TTL: variants seen among roughly 807,000 people sequenced by gnomAD.
The protein encoded by TTL is tubulin tyrosine ligase.
A neutral mutation model predicts 41.1 loss-of-function variants in TTL; 10 were observed. The observed-to-expected ratio is 0.24, with a 90% CI of 0.15 to 0.41. The LOEUF is 0.41. Among genes scored for constraint, TTL ranks in the 10% least tolerant of loss-of-function variants. The pLI, the probability that TTL is intolerant of heterozygous loss-of-function variation, is 1.00. For missense variants in TTL, 367 were observed against 460.4 expected, an observed-to-expected ratio of 0.80 and a Z score of 1.86; for synonymous variants, 175 against 175.5, an observed-to-expected ratio of 1.00 and a Z score of 0.02.
chr2:112,519,596 G>T (rs1198250307), intron 5 of TTL, among the ~76,000 whole-genome samples: 1 of 148,550 alleles, frequency 6.7e-6, no homozygotes. Flanking sequence ...TCACCAAAGG[G>T]CAGTCCATTC....
chr2:112,499,492 C>T (rs1285834736), intron 3 of TTL, among the ~76,000 whole-genome samples: 1 of 152,142 alleles, frequency 6.6e-6, no homozygotes, highest in Admixed American at 6.6e-5. Context: ...ATAAGCTTCA[C>T]ACCTCATACA....
At chr2:112,490,599 G>A (rs1200486377) in intron 2 of TTL, among the ~76,000 whole-genome samples, 2 of 117,220 alleles carry the variant, frequency 1.7e-5, no homozygotes, top group African/African-American at 6.7e-5. Flanking sequence ...TTGAGATGGA[G>A]TTTTACTCTG....
In TTL at chr2:112,502,801, C is replaced by T. The variant is rs940266291; in HGVS notation, c.606-111C>T. ...AGAAACTTCCTCCTTCCCTAGTTGCCTCCCACTCCTTACCTACCCCATAAA... is the reference window on the plus strand; with the variant it reads ...AGAAACTTCCTCCTTCCCTAGTTGCTTCCCACTCCTTACCTACCCCATAAA... On this transcript the variant is annotated intron_variant, in intron 4 of 6. Transcript: ENST00000233336. 6.6e-6 allele frequency: 8 copies of T among 1,215,532 alleles called. No individual in the cohort carries two copies. In the African/African-American group the frequency reaches 7.5e-5, roughly 11 times the overall value. The allele number at this position is 1,215,532 out of a possible 1,614,324, so 75.3% of individuals were successfully genotyped here. A position where few individuals can be genotyped will look rare whatever the true frequency, so the allele number is the denominator to read the frequency against.
At chr2:112,518,833 C>T (rs1682146379) in intron 5 of TTL, among the ~76,000 whole-genome samples, 1 of 152,040 alleles carries the variant, frequency 6.6e-6, no homozygotes, top group Non-Finnish European at 1.5e-5. Context: ...TGCCACTATG[C>T]CTGGCTAATT....
intron 6 of TTL, among the ~76,000 whole-genome samples, chr2:112,525,032 A>G (rs1461514492): frequency 6.6e-6 from 1 of 152,178 alleles, no homozygotes; most frequent in Non-Finnish European, 1.5e-5. Flanking sequence ...TCCCAGCACC[A>G]TTTATTAAAT....
intron 1 of TTL, among the ~76,000 whole-genome samples, 161 bp from the exon 2 acceptor site, chr2:112,485,756 G>C (rs1163503474): frequency 6.6e-6 from 1 of 152,202 alleles, no homozygotes; most frequent in Non-Finnish European, 1.5e-5. Context: ...AATACTGAGA[G>C]AAAGAGGGTC....
chr2:112,517,293 G>A (rs1023197006), intron 5 of TTL, among the ~76,000 whole-genome samples: 1 of 151,990 alleles, frequency 6.6e-6, no homozygotes. Flanking sequence ...TGTCACCCAG[G>A]CTGAAGTGCA....
intron 6 of TTL, among the ~76,000 whole-genome samples, chr2:112,524,723 T>G (rs1177691034): frequency 6.6e-6 from 1 of 152,212 alleles, no homozygotes; most frequent in East Asian, 1.9e-4. Context: ...TTGTAAAAAT[T>G]TTCTCCCATT....
At chr2:112,527,807 T>C (rs1037169790) in intron 6 of TTL, among the ~76,000 whole-genome samples, 1 of 152,220 alleles carries the variant, frequency 6.6e-6, no homozygotes, top group Non-Finnish European at 1.5e-5. Context: ...ATTTAGCCCA[T>C]TTACACTTAA....
intron 3 of TTL, among the ~76,000 whole-genome samples, chr2:112,497,661 T>G (rs1340759565): frequency 1.3e-5 from 2 of 151,596 alleles, no homozygotes; most frequent in Non-Finnish European, 2.9e-5. Context: ...CAGGTTGATT[T>G]GCAGTTTCTT....
At chr2:112,519,596 G>A (rs1198250307) in intron 5 of TTL, among the ~76,000 whole-genome samples, 1 of 148,550 alleles carries the variant, frequency 6.7e-6, no homozygotes, top group African/African-American at 2.5e-5. Context: ...TCACCAAAGG[G>A]CAGTCCATTC....
chr2:112,496,666 TGTG>T (rs1681534689), intron 3 of TTL, among the ~76,000 whole-genome samples: 1 of 5,320 alleles, frequency 1.9e-4, no homozygotes, highest in South Asian at 0.01. Context: ...TATATGTGTC[TGTG>T]TGTGTGTGTG....
At position 112,537,014 on chromosome 2, in the gene TTL, A is replaced by C. The variant is rs971244953; in HGVS notation, c.*8219A>C. 6.6e-6 allele frequency: 1 copy of C among 152,230 alleles called. No individual in the cohort carries two copies. Among genetic ancestry groups the C allele is most frequent in the Non-Finnish European group, 1.5e-5 (1 of 68,044 alleles). 9.4% of individuals were successfully genotyped at this position (152,230 alleles called of 1,614,324 possible). A position where few individuals can be genotyped will look rare whatever the true frequency, so the allele number is the denominator to read the frequency against. On this transcript the variant is annotated 3_prime_UTR_variant, in exon 7 of 7. Coordinates refer to ENST00000233336, the MANE Select transcript of TTL (RefSeq NM_153712.5). ...TAGGTGCATGTGTCTTTCTGGTAGA[A>C]TGAATTGTTTTCTTTTGGATATATA...
chr2:112,486,021 A>AT, intron 2 of TTL, 26 bp downstream of exon 2: 2 of 1,609,970 alleles, frequency 1.2e-6, no homozygotes, highest in South Asian at 1.1e-5. Context: ...GCTGTTTTCC[A>AT]TTTTTTACCT....
Position 112,494,352 on chromosome 2 carries a change from C to T in TTL, c.446C>T (p.Ala149Val). 6.2e-7 allele frequency: 1 copy of T among 1,613,940 alleles called. No homozygotes were observed. The highest frequency in any genetic ancestry group is 8.5e-7 in the Non-Finnish European group (1 of 1,179,934). ...KEDGEGNVWI[A>V]KSSAGAKGEG... ...GATGGAGAGGGCAACGTTTGGATTG[C>T]AAAGTCATCAGCCGGTGCCAAAGGT... The change falls in exon 3 of 7, where the codon GCA (alanine) becomes GTA (valine). Residue 149 changes from alanine (A) to valine (V), a missense_variant. By Grantham distance (64) the Ala-to-Val change is moderately conservative. Coordinates refer to ENST00000233336, the MANE Select transcript of TTL (RefSeq NM_153712.5).
At chr2:112,510,564 T>G (rs959167107) in intron 5 of TTL, among the ~76,000 whole-genome samples, 1 of 152,092 alleles carries the variant, frequency 6.6e-6, no homozygotes, top group African/African-American at 2.4e-5. Flanking sequence ...CTCCATCTCC[T>G]GGGTTCAAGC....
At position 112,532,344 on chromosome 2, in the gene TTL, A is replaced by G. The variant is rs541510651; in HGVS notation, c.*3549A>G. 12 of 227,880 alleles carry G rather than the reference A, an allele frequency of 5.3e-5. No homozygotes were observed. Among genetic ancestry groups the G allele is most frequent in the Non-Finnish European group, 9.6e-5 (11 of 114,762 alleles). The allele number at this position is 227,880 out of a possible 1,614,324, so 14.1% of individuals were successfully genotyped here. ...TACTGGAGAGGAAATGACTGCTGAA[A>G]TAAGGCGATTGTATGAATATTTAAA... On this transcript the variant is annotated 3_prime_UTR_variant, in exon 7 of 7. Transcript: ENST00000233336.
intron 5 of TTL, among the ~76,000 whole-genome samples, chr2:112,507,008 ATGTGGTGTCTT>A (rs1262972073): frequency 4.7e-5 from 4 of 84,628 alleles, no homozygotes; most frequent in African/African-American, 2.0e-4. Flanking sequence ...AGATTCTGGT[ATGTGGTGTCTT>A]TGTTCTCATT....
chr2:112,494,253 T>G lies in TTL; in HGVS notation c.347T>G (p.Ile116Ser). ...CCAGTTGCTCCAGCACAGAATGGAATTCAGCCACCAATCAGTAACTCAAGG... is the reference window on the plus strand; with the variant it reads ...CCAGTTGCTCCAGCACAGAATGGAAGTCAGCCACCAATCAGTAACTCAAGG... Reference protein sequence around the residue: ...KTPVAPAQNGIQPPISNSRTD... With the variant: ...KTPVAPAQNGSQPPISNSRTD... Residue 116 changes from isoleucine (I) to serine (S), a missense_variant, in exon 3 of 7, where the codon ATT becomes AGT. Transcript: ENST00000233336. The G allele has an allele frequency of 6.2e-7, 1 of 1,614,176 alleles. No individual in the cohort carries two copies. The highest frequency in any genetic ancestry group is 8.5e-7 in the Non-Finnish European group (1 of 1,180,018).
Sources: allele counts gnomAD v4.1 joint callset (sites outside exome capture counted in the v4.1 genomes callset), GRCh38; gene constraint gnomAD v4.1.1; transcripts MANE v1.5; gene names NCBI Gene and HGNC (gene_info 2026-07-23, HGNC 2026-07-21).